Variants in SNPH observed in about 807,000 individuals in gnomAD.
The protein encoded by SNPH is syntaphilin.
A neutral mutation model predicts 36.8 loss-of-function variants in SNPH; 10 were observed. That is an observed-to-expected ratio of 0.27 (90% confidence interval 0.17 to 0.46). SNPH has a LOEUF of 0.46. SNPH is among the 20% of genes least tolerant of loss of function. The probability of loss-of-function intolerance (pLI) is 1.00; values close to 1 mark genes in which losing one functional copy is unlikely to be tolerated. For synonymous variants in SNPH, 281 were observed against 312.2 expected, an observed-to-expected ratio of 0.90 and a Z score of 1.05; for missense variants, 622 against 744.0, an observed-to-expected ratio of 0.84 and a Z score of 1.91.
intron 2 of SNPH, among the ~76,000 whole-genome samples, chr20:1,279,364 T>C (rs531074263): frequency 6.6e-6 from 1 of 152,334 alleles, no homozygotes; most frequent in South Asian, 2.1e-4. Flanking sequence ...CATATCCTCT[T>C]TGGTGAGGTA....
chr20:1,287,110 C>T (rs575896539), intron 2 of SNPH, among the ~76,000 whole-genome samples: 1 of 152,236 alleles, frequency 6.6e-6, no homozygotes, highest in South Asian at 2.1e-4. Flanking sequence ...TTTATTTCTC[C>T]CAAAGAACCA....
intron 2 of SNPH, among the ~76,000 whole-genome samples, chr20:1,283,112 G>A (rs1358178334): frequency 6.6e-6 from 1 of 152,170 alleles, no homozygotes; most frequent in Non-Finnish European, 1.5e-5. Context: ...GGTGCTCTCT[G>A]CTTTACCTCC....
chr20:1,275,885 C>A (rs911521242), intron 2 of SNPH, among the ~76,000 whole-genome samples: 15 of 152,222 alleles, frequency 9.9e-5, no homozygotes, highest in African/African-American at 3.6e-4. Flanking sequence ...ACCTCAATTA[C>A]TTTTACTTGC....
Position 1,306,172 on chromosome 20 carries a change from TTC to T in SNPH, c.*120_*121del, listed in dbSNP as rs1358182085. The T allele has an allele frequency of 6.6e-6, 6 of 908,316 alleles. No homozygotes were observed. In the African/African-American group the frequency reaches 8.7e-5, roughly 13 times the overall value. The allele number at this position is 908,316 out of a possible 1,614,324, so 56.3% of individuals were successfully genotyped here. The stretch of plus-strand genomic sequence containing the variant: ...TATTTAGTTTTGGGTGTGGAACTGT[TTC>T]TTTTTTTCAAGATGTTAAAACAGTC... On this transcript the variant is annotated 3_prime_UTR_variant, in exon 7 of 7. Coordinates refer to ENST00000381867, the MANE Select transcript of SNPH (RefSeq NM_001318234.2).
chr20:1,309,106 C>G lies in SNPH; in HGVS notation c.*3052C>G, dbSNP rs2088620711. On this transcript the variant is annotated 3_prime_UTR_variant, in exon 7 of 7. Coordinates refer to ENST00000381867, the MANE Select transcript of SNPH (RefSeq NM_001318234.2). The stretch of plus-strand genomic sequence containing the variant: ...TCTGGGGCCAAGGCCTACCCAGGGG[C>G]CTCTGCCCAGAGAACTCACAACCCC... The G allele has an allele frequency of 6.6e-6, 1 of 152,488 alleles. No homozygotes were observed. The highest frequency in any genetic ancestry group is 2.1e-4 in the South Asian group (1 of 4,828). The allele number at this position is 152,488 out of a possible 1,614,324, so 9.4% of individuals were successfully genotyped here. A position where few individuals can be genotyped will look rare whatever the true frequency, so the allele number is the denominator to read the frequency against.
At position 1,280,833 on chromosome 20, in the gene SNPH, C is replaced by T. The variant is rs548224205; in HGVS notation, c.-493+14073C>T. Reference sequence around the variant, plus strand: ...GCAGGTGTTTACTAAGCCTCGATTTCGAATCCAGCTCTGTTCCTAGCACCT... The same window carrying T: ...GCAGGTGTTTACTAAGCCTCGATTTTGAATCCAGCTCTGTTCCTAGCACCT... On this transcript the variant is annotated intron_variant, in intron 2 of 6. Coordinates refer to ENST00000381867, the MANE Select transcript of SNPH (RefSeq NM_001318234.2). 1.2e-3 allele frequency among the ~76,000 whole-genome samples: 178 copies of T among 152,278 alleles called. 1 individual carries two copies. The highest frequency in any genetic ancestry group is 2.1e-3 in the Non-Finnish European group (141 of 68,024).
chr20:1,295,481 C>T (rs541310190), intron 3 of SNPH, among the ~76,000 whole-genome samples: 31 of 152,342 alleles, frequency 2.0e-4, no homozygotes, highest in Non-Finnish European at 2.5e-4. Context: ...AGGGCCTCTG[C>T]TCCCACCCAC....
At chr20:1,301,207 T>A (rs1014709565) in intron 6 of SNPH, among the ~76,000 whole-genome samples, 2 of 152,146 alleles carry the variant, frequency 1.3e-5, no homozygotes, top group Non-Finnish European at 2.9e-5. Flanking sequence ...CTGTGGAGGA[T>A]GATGATGAGA....
intron 5 of SNPH, among the ~76,000 whole-genome samples, chr20:1,297,791 C>T (rs2122408514): frequency 6.6e-6 from 1 of 152,326 alleles, no homozygotes; most frequent in East Asian, 1.9e-4. Context: ...GTGTCTTCCC[C>T]ACAACAGTAC....
Position 1,280,121 on chromosome 20 carries a change from G to A in SNPH, c.-493+13361G>A, listed in dbSNP as rs79147177. Reference sequence around the variant, plus strand: ...GGAGCGGTGCCCACAGCTTTTCTGCGTTGCTCTGAGCTGTGTGGAGCCTGG... The same window carrying A: ...GGAGCGGTGCCCACAGCTTTTCTGCATTGCTCTGAGCTGTGTGGAGCCTGG... On this transcript the variant is annotated intron_variant, in intron 2 of 6. Coordinates refer to ENST00000381867, the MANE Select transcript of SNPH (RefSeq NM_001318234.2). Among the ~76,000 whole-genome samples, 355 of 152,306 alleles carry A rather than the reference G, an allele frequency of 2.3e-3. 9 individuals are homozygous for A. In the East Asian group the frequency reaches 0.052, roughly 22 times the overall value.
rs2122212098 is a variant in SNPH at position 1,266,621 on chromosome 20, G to A, written c.-599-33G>A. On this transcript the variant is annotated intron_variant, in intron 1 of 6. Coordinates refer to ENST00000381867, the MANE Select transcript of SNPH (RefSeq NM_001318234.2). This position sits in a 1 kb window ranked among gnomAD's most constrained non-coding sequence, Gnocchi z 6.0. ...GGGTGTTCCCCGCCCGCGCTCACCC[G>A]CCCCGGTCTATCTCTTTTTCCTAAC... is the stretch of plus-strand genomic sequence containing the variant. 1.2e-5 allele frequency: 18 copies of A among 1,473,880 alleles called. No individual in the cohort carries two copies. Among genetic ancestry groups the A allele is most frequent in the East Asian group, 6.0e-5 (2 of 33,186 alleles). 91.3% of individuals were successfully genotyped at this position (1,473,880 alleles called of 1,614,324 possible). A position where few individuals can be genotyped will look rare whatever the true frequency, so the allele number is the denominator to read the frequency against.
In SNPH at chr20:1,266,798, G is replaced by A. The variant is rs996314094; in HGVS notation, c.-493+38G>A. On this transcript the variant is annotated intron_variant, in intron 2 of 6. Transcript: ENST00000381867. The surrounding 1 kb of genome is among the most constrained non-coding windows in gnomAD (Gnocchi z 6.0). ...CGGCGGAGCGGGGAGCTGGCCCTGC[G>A]CTGCACCGCGGCAGGTGGGGGCCGC... 6.1e-6 allele frequency: 8 copies of A among 1,320,820 alleles called. No individual in the cohort carries two copies. In the South Asian group the frequency reaches 1.7e-4, roughly 28 times the overall value. 81.8% of individuals were successfully genotyped at this position (1,320,820 alleles called of 1,614,324 possible). A position where few individuals can be genotyped will look rare whatever the true frequency, so the allele number is the denominator to read the frequency against.
intron 2 of SNPH, among the ~76,000 whole-genome samples, chr20:1,267,395 A>T (rs990012746): frequency 2.0e-5 from 3 of 152,094 alleles, no homozygotes; most frequent in Admixed American, 6.5e-5. Context: ...AGACTGAAAG[A>T]GAGGCCGGTC....
At position 1,279,615 on chromosome 20, in the gene SNPH, C is replaced by CTTTTTTTT. The variant is rs1259483361; in HGVS notation, c.-493+12857_-493+12858insTTTTTTTT. Among the ~76,000 whole-genome samples, 193 of 111,618 alleles carry CTTTTTTTT rather than the reference C, an allele frequency of 1.7e-3. 5 individuals carry two copies. Among genetic ancestry groups the CTTTTTTTT allele is most frequent in the African/African-American group, 5.7e-3 (186 of 32,884 alleles). The allele number at this position is 111,618 out of a possible 152,430, so 73.2% of individuals were successfully genotyped here. On this transcript the variant is annotated intron_variant, in intron 2 of 6. Transcript: ENST00000381867. ...AGACTGGTTTCCTGAGAGACTCCGG[C>CTTTTTTTT]TTCTTTTTTTTTTTTTTTTTTTGAG...
At chr20:1,270,788 G>T (rs1048427753) in intron 2 of SNPH, among the ~76,000 whole-genome samples, 12 of 152,332 alleles carry the variant, frequency 7.9e-5, no homozygotes, top group African/African-American at 2.9e-4. Flanking sequence ...CACCTGTCTG[G>T]AGGAACGCCT....
chr20:1,302,701 G>T (rs2088517861), intron 6 of SNPH, among the ~76,000 whole-genome samples: 1 of 152,202 alleles, frequency 6.6e-6, no homozygotes, highest in Admixed American at 6.5e-5. Context: ...GTCTATTCTG[G>T]ACATTTCATA....
chr20:1,281,287 T>C lies in SNPH; in HGVS notation c.-492-13664T>C, dbSNP rs1419968871. On this transcript the variant is annotated intron_variant, in intron 2 of 6. Transcript: ENST00000381867. ...CTCTATAGCCTTCGTTAAAACGTCG[T>C]CATCCCTGACCTGTCCTGGTGCTTC... is the stretch of plus-strand genomic sequence containing the variant. Among the ~76,000 whole-genome samples the C allele has an allele frequency of 3.3e-5, 5 of 152,194 alleles. No individual in the cohort carries two copies. The East Asian group carries it at 7.7e-4, about 23-fold the overall frequency.
chr20:1,283,954 G>A (rs1234388572), intron 2 of SNPH, among the ~76,000 whole-genome samples: 2 of 152,182 alleles, frequency 1.3e-5, no homozygotes, highest in Non-Finnish European at 2.9e-5. Context: ...GCTGTGACAT[G>A]CACCGTGTAC....
chr20:1,296,536 C>A, intron 4 of SNPH, 115 bp downstream of exon 4: 1 of 886,630 alleles, frequency 1.1e-6, no homozygotes, highest in Non-Finnish European at 1.7e-6. Flanking sequence ...ATTTCCCATT[C>A]CCATCTTTAA....
Sources: allele counts gnomAD v4.1 joint callset (sites outside exome capture counted in the v4.1 genomes callset), GRCh38; gene constraint gnomAD v4.1.1; non-coding constraint Gnocchi (gnomAD v3.1); transcripts MANE v1.5; gene names NCBI Gene and HGNC (gene_info 2026-07-23, HGNC 2026-07-21).